NRCAM: variants seen among roughly 807,000 people sequenced by gnomAD.
NRCAM encodes the protein NgCAM-related cell adhesion molecule.
NRCAM carries 83 observed loss-of-function variants against 156.5 expected under a neutral mutation model. The ratio of observed to expected loss-of-function variants is 0.53; its 90% CI spans 0.44 to 0.64. The LOEUF is 0.64. Among genes scored for constraint, NRCAM ranks in the 30% least tolerant of loss-of-function variants. The pLI, the probability that NRCAM is intolerant of heterozygous loss-of-function variation, is 0.00. For synonymous variants in NRCAM, 538 were observed against 563.9 expected, an observed-to-expected ratio of 0.95 and a Z score of 0.65; for missense variants, 1,417 against 1,597.3, an observed-to-expected ratio of 0.89 and a Z score of 1.92.
chr7:108,408,065 G>C (rs974069937), intron 1 of NRCAM, among the ~76,000 whole-genome samples: 1 of 151,988 alleles, frequency 6.6e-6, no homozygotes, highest in African/African-American at 2.4e-5. Context: ...TTAAAGAAGT[G>C]ATTTTATCAT....
At chr7:108,364,921 GT>G (rs1360160880) in intron 2 of NRCAM, among the ~76,000 whole-genome samples, 1 of 152,082 alleles carries the variant, frequency 6.6e-6, no homozygotes, top group Non-Finnish European at 1.5e-5. Context: ...AATGATGATG[GT>G]TGCACAACTC....
At chr7:108,277,076 G>A (rs2097660362) in intron 3 of NRCAM, among the ~76,000 whole-genome samples, 2 of 152,180 alleles carry the variant, frequency 1.3e-5, no homozygotes, top group South Asian at 2.1e-4. Flanking sequence ...ACTCTCTTCT[G>A]GCTTGTAGGG....
chr7:108,318,937 T>A (rs950843503), intron 2 of NRCAM, among the ~76,000 whole-genome samples: 1 of 152,184 alleles, frequency 6.6e-6, no homozygotes, highest in Non-Finnish European at 1.5e-5. Flanking sequence ...CTATGTCAAG[T>A]GGGAAGAAAG....
chr7:108,318,837 G>A (rs934001655), intron 2 of NRCAM, among the ~76,000 whole-genome samples: 14 of 152,152 alleles, frequency 9.2e-5, no homozygotes, highest in South Asian at 2.1e-4. Context: ...CACCCACCAA[G>A]TTATAGAATG....
At chr7:108,444,333 T>C (rs1358335121) in intron 1 of NRCAM, among the ~76,000 whole-genome samples, 2 of 152,056 alleles carry the variant, frequency 1.3e-5, no homozygotes, top group African/African-American at 2.4e-5. Flanking sequence ...TCTATAGACA[T>C]AGCTATATGA....
At chr7:108,205,492 T>C (rs1435569273) in intron 13 of NRCAM, among the ~76,000 whole-genome samples, 1 of 152,180 alleles carries the variant, frequency 6.6e-6, no homozygotes, top group Non-Finnish European at 1.5e-5. Context: ...TCAATTTTCC[T>C]TGCATAGTAT....
chr7:108,298,661 C>CAAAAAAA lies in NRCAM; in HGVS notation c.-107+14003_-107+14004insTTTTTTT, dbSNP rs1491145700. On this transcript the variant is annotated intron_variant, in intron 3 of 32. Coordinates refer to ENST00000379028, the MANE Select transcript of NRCAM (RefSeq NM_001037132.4). ...CAGCGAGACTCCATCTCAAAAAAAA[C>CAAAAAAA]CAAAAAAACAAAAAAACAAAAAACA... Among the ~76,000 whole-genome samples, 88 of 150,880 alleles carry CAAAAAAA rather than the reference C, an allele frequency of 5.8e-4. 1 individual carries two copies. The South Asian group carries it at 9.2e-3, about 16-fold the overall frequency.
intron 13 of NRCAM, among the ~76,000 whole-genome samples, chr7:108,206,402 G>A (rs1236015268): frequency 6.6e-6 from 1 of 152,210 alleles, no homozygotes; most frequent in African/African-American, 2.4e-5. Flanking sequence ...AATCTGTCCT[G>A]TATCATAAGC....
At chr7:108,352,382 A>G (rs2099419350) in intron 2 of NRCAM, among the ~76,000 whole-genome samples, 1 of 152,204 alleles carries the variant, frequency 6.6e-6, no homozygotes, top group African/African-American at 2.4e-5. Context: ...AGAGCTACTG[A>G]ACAGTGTTCT....
chr7:108,363,429 CG>C (rs1331279268), intron 2 of NRCAM, among the ~76,000 whole-genome samples: 1 of 152,134 alleles, frequency 6.6e-6, no homozygotes, highest in African/African-American at 2.4e-5. Flanking sequence ...GGACGACAGG[CG>C]TGTGCCACCA....
chr7:108,428,566 A>T (rs1041358086), intron 1 of NRCAM, among the ~76,000 whole-genome samples: 41 of 152,206 alleles, frequency 2.7e-4, no homozygotes, highest in African/African-American at 9.4e-4. Context: ...GACAAAAGGA[A>T]GGCAGAGGAG....
chr7:108,165,666 T>C (rs978960673), intron 30 of NRCAM, among the ~76,000 whole-genome samples: 1 of 152,248 alleles, frequency 6.6e-6, no homozygotes, highest in Non-Finnish European at 1.5e-5. Flanking sequence ...TGTGTGGTTT[T>C]CTTAAAACAT....
At chr7:108,435,208 T>C (rs780741327) in intron 1 of NRCAM, among the ~76,000 whole-genome samples, 2 of 152,180 alleles carry the variant, frequency 1.3e-5, no homozygotes, top group African/African-American at 4.8e-5. Flanking sequence ...CAAATTTTTT[T>C]AAAGAAAACA....
chr7:108,324,877 CTTTTTTTT>C (rs60553976), intron 2 of NRCAM, among the ~76,000 whole-genome samples: 16 of 82,676 alleles, frequency 1.9e-4, no homozygotes, highest in East Asian at 1.8e-3. Flanking sequence ...TGGCACTGTA[CTTTTTTTT>C]TTTTTTTTTT....
rs1462399713 is a variant in NRCAM, at chr7:108,228,955, T to C, written c.550+2076A>G. 7.9e-5 allele frequency among the ~76,000 whole-genome samples: 12 copies of C among 152,030 alleles called. No individual in the cohort carries two copies. In the East Asian group the frequency reaches 2.3e-3, roughly 29 times the overall value. Reference sequence around the variant, plus strand: ...GGAGAGCCAAAATGCATCCCAGAACTTAAAGTAAAATAAAAAAAAATTAAA... The same window carrying C: ...GGAGAGCCAAAATGCATCCCAGAACCTAAAGTAAAATAAAAAAAAATTAAA... On this transcript the variant is annotated intron_variant, in intron 8 of 32. Coordinates refer to ENST00000379028, the MANE Select transcript of NRCAM (RefSeq NM_001037132.4).
At chr7:108,318,258 G>C (rs2098955931) in intron 2 of NRCAM, among the ~76,000 whole-genome samples, 1 of 151,812 alleles carries the variant, frequency 6.6e-6, no homozygotes, top group Non-Finnish European at 1.5e-5. Flanking sequence ...TGTTAGCCAG[G>C]ATGGTCTCGA....
intron 11 of NRCAM, among the ~76,000 whole-genome samples, chr7:108,223,346 A>G (rs906714600): frequency 1.3e-5 from 2 of 152,194 alleles, no homozygotes; most frequent in Non-Finnish European, 2.9e-5. Context: ...TTAAGCCACT[A>G]AATTTGAGGT....
intron 2 of NRCAM, among the ~76,000 whole-genome samples, chr7:108,368,235 C>CCA (rs2099605703): frequency 1.1e-5 from 1 of 95,132 alleles, no homozygotes; most frequent in African/African-American, 3.7e-5. Context: ...CCCCCCCCCA[C>CCA]CCCCCCGCCT....
chr7:108,268,643 GGC>G (rs1491096614), intron 3 of NRCAM, among the ~76,000 whole-genome samples: 2 of 141,924 alleles, frequency 1.4e-5, no homozygotes, highest in Non-Finnish European at 3.1e-5. Flanking sequence ...GGTTGGGGGG[GGC>G]GGCGGTGGCG....
Sources: gnomAD v4.1 joint callset for allele counts (sites outside exome capture counted in the v4.1 genomes callset) on GRCh38, gnomAD v4.1.1 for gene constraint, MANE v1.5 for transcripts, NCBI Gene and HGNC (gene_info 2026-07-23, HGNC 2026-07-21) for gene names.